The following ADAMTS19 variants were observed in gnomAD, a reference collection of about 807,000 sequenced individuals.
ADAMTS19 encodes ADAM metallopeptidase with thrombospondin type 1 motif 19.
A neutral mutation model predicts 153.3 loss-of-function variants in ADAMTS19; 93 were observed. That is an observed-to-expected ratio of 0.61 (90% CI 0.51 to 0.72). ADAMTS19 has a LOEUF of 0.72. ADAMTS19 is among the 30% of genes least tolerant of loss of function. ADAMTS19 has a pLI of 0.00. For synonymous variants in ADAMTS19, 600 were observed against 556.6 expected, an observed-to-expected ratio of 1.08 and a Z score of -1.10; for missense variants, 1,482 against 1,552.1, an observed-to-expected ratio of 0.95 and a Z score of 0.76.
intron 5 of ADAMTS19, 37 bp from the exon 6 acceptor site, chr5:129,528,483 A>G: frequency 6.7e-7 from 1 of 1,498,008 alleles, no homozygotes. Flanking sequence ...TATACCTAAG[A>G]ATAATATGCC....
chr5:129,703,813 G>T (rs909622652), intron 20 of ADAMTS19, among the ~76,000 whole-genome samples: 1 of 152,116 alleles, frequency 6.6e-6, no homozygotes, highest in African/African-American at 2.4e-5. Context: ...GAAGTGACAT[G>T]CTGGGGAAAT....
intron 16 of ADAMTS19, among the ~76,000 whole-genome samples, chr5:129,674,549 A>T (rs1020743653): frequency 6.6e-6 from 1 of 152,074 alleles, no homozygotes; most frequent in Non-Finnish European, 1.5e-5. Flanking sequence ...CTTATTAGCT[A>T]TAATTCTTGC....
intron 7 of ADAMTS19, among the ~76,000 whole-genome samples, chr5:129,595,249 T>A (rs1218993577): frequency 6.6e-6 from 1 of 152,100 alleles, no homozygotes; most frequent in Non-Finnish European, 1.5e-5. Flanking sequence ...TCAACCCTCC[T>A]GCATTGCTTT....
rs1391627882 is a variant in ADAMTS19, at chr5:129,659,725, CA to C, written c.2425+989del. On this transcript the variant is annotated intron_variant, in intron 15 of 22. Transcript: ENST00000274487. ...TCTCCCAAGTAGCCGGGACTAGAGG[CA>C]TGCACCACCATGCCCAGCTAATTTT... is the stretch of plus-strand genomic sequence containing the variant. Among the ~76,000 whole-genome samples the C allele has an allele frequency of 2.0e-5, 3 of 152,082 alleles. No individual in the cohort carries two copies. In the East Asian group the frequency reaches 5.8e-4, roughly 29 times the overall value.
At chr5:129,671,931 T>C (rs1754319091) in intron 16 of ADAMTS19, among the ~76,000 whole-genome samples, 1 of 152,094 alleles carries the variant, frequency 6.6e-6, no homozygotes, top group Non-Finnish European at 1.5e-5. Flanking sequence ...ATGAGCAAAA[T>C]TCAAAAGAAA....
intron 2 of ADAMTS19, among the ~76,000 whole-genome samples, chr5:129,487,493 CAT>C (rs1477412452): frequency 1.3e-4 from 20 of 152,046 alleles, no homozygotes; most frequent in East Asian, 5.8e-4. Context: ...TTATAATAAA[CAT>C]ATTTTTATAA....
chr5:129,659,842 C>A (rs1753747702), intron 15 of ADAMTS19, among the ~76,000 whole-genome samples: 1 of 152,162 alleles, frequency 6.6e-6, no homozygotes, highest in Non-Finnish European at 1.5e-5. Context: ...CCCATCTTGG[C>A]ATCCCAAAGT....
At chr5:129,640,057 G>A (rs1232593166) in intron 10 of ADAMTS19, among the ~76,000 whole-genome samples, 3 of 152,068 alleles carry the variant, frequency 2.0e-5, no homozygotes, top group Non-Finnish European at 4.4e-5. Context: ...TGGGCAGTTA[G>A]AAGAAGCACA....
chr5:129,644,781 C>T (rs529771755), intron 11 of ADAMTS19, among the ~76,000 whole-genome samples: 4 of 152,214 alleles, frequency 2.6e-5, no homozygotes, highest in African/African-American at 9.6e-5. Flanking sequence ...CGGAAAGAGA[C>T]ATTAAATACC....
chr5:129,534,836 C>G (rs1175291255), intron 6 of ADAMTS19, among the ~76,000 whole-genome samples: 1 of 152,156 alleles, frequency 6.6e-6, no homozygotes, highest in Admixed American at 6.6e-5. Flanking sequence ...ATGATTATCT[C>G]AATAGATGCA....
chr5:129,621,553 A>G (rs1012423475), intron 9 of ADAMTS19, among the ~76,000 whole-genome samples: 17 of 152,186 alleles, frequency 1.1e-4, no homozygotes, highest in Non-Finnish European at 1.9e-4. Flanking sequence ...GCTGTTTGTC[A>G]TAACAGTCTA....
intron 7 of ADAMTS19, among the ~76,000 whole-genome samples, chr5:129,552,184 A>C (rs573077246): frequency 2.0e-5 from 3 of 152,006 alleles, no homozygotes; most frequent in South Asian, 2.1e-4. Context: ...GGGTTCAATA[A>C]AATTTTATTA....
chr5:129,737,225 G>GCTGGT lies in ADAMTS19; in HGVS notation c.*8_*9insTGGTC, dbSNP rs1237207834. 1 of 1,588,912 alleles carries GCTGGT rather than the reference G, an allele frequency of 6.3e-7. No individual in the cohort carries two copies. Among genetic ancestry groups the GCTGGT allele is most frequent in the African/African-American group, 1.3e-5 (1 of 74,484 alleles). ...GCTGCAGCAGAAGAGTTGACCTCTA[G>GCTGGT]CAGGCTGGCTGGATCACAGCTCTTG... On this transcript the variant is annotated 3_prime_UTR_variant, in exon 23 of 23. Coordinates refer to ENST00000274487, the MANE Select transcript of ADAMTS19 (RefSeq NM_133638.6).
chr5:129,635,978 C>T (rs1267647674), intron 10 of ADAMTS19, among the ~76,000 whole-genome samples: 1 of 152,156 alleles, frequency 6.6e-6, no homozygotes, highest in African/African-American at 2.4e-5. Context: ...CTTACTGCAA[C>T]CTCCAGCTCC....
intron 7 of ADAMTS19, among the ~76,000 whole-genome samples, chr5:129,586,923 C>T (rs1749830626): frequency 6.6e-6 from 1 of 152,062 alleles, no homozygotes; most frequent in African/African-American, 2.4e-5. Flanking sequence ...ATAAAAATGT[C>T]ATATTTTGTT....
chr5:129,643,367 C>CAAAAAAAAAAAAA (rs556007087), intron 11 of ADAMTS19, among the ~76,000 whole-genome samples: 15 of 40,194 alleles, frequency 3.7e-4, no homozygotes, highest in South Asian at 1.1e-3. Context: ...GTTTCAAAGA[C>CAAAAAAAAAAAAA]AAAAAAAAAA....
chr5:129,576,384 A>G lies in ADAMTS19; in HGVS notation c.1373-20175A>G, dbSNP rs535228441. 1.4e-4 allele frequency among the ~76,000 whole-genome samples: 22 copies of G among 152,228 alleles called. No individual in the cohort carries two copies. The South Asian group carries it at 4.3e-3, about 30-fold the overall frequency. The stretch of plus-strand genomic sequence containing the variant: ...TACACACACTTTTAAAAATATAGGT[A>G]TTTCCATCTGTACTTAATTTTGTCT... On this transcript the variant is annotated intron_variant, in intron 7 of 22. Coordinates refer to ENST00000274487, the MANE Select transcript of ADAMTS19 (RefSeq NM_133638.6).
intron 2 of ADAMTS19, among the ~76,000 whole-genome samples, chr5:129,486,446 C>T (rs1410998292): frequency 1.3e-5 from 2 of 152,128 alleles, no homozygotes; most frequent in Non-Finnish European, 2.9e-5. Flanking sequence ...AAACATCTGA[C>T]AGTGTCATTC....
intron 21 of ADAMTS19, among the ~76,000 whole-genome samples, chr5:129,709,520 A>C (rs926940153): frequency 2.0e-5 from 3 of 152,090 alleles, no homozygotes; most frequent in Non-Finnish European, 4.4e-5. Context: ...AGTTGTTAGC[A>C]CTCTAATTGT....
Sources: allele counts gnomAD v4.1 joint callset (sites outside exome capture counted in the v4.1 genomes callset), GRCh38; gene constraint gnomAD v4.1.1; transcripts MANE v1.5; gene names NCBI Gene and HGNC (gene_info 2026-07-23, HGNC 2026-07-21).